Variants in SLC6A3 observed in about 807,000 individuals in gnomAD.
SLC6A3 encodes the protein solute carrier family 6 member 3, also known as sodium-dependent dopamine transporter.
Under a neutral mutation model 70.4 loss-of-function variants are expected in SLC6A3, and 19 were observed. The observed-to-expected ratio is 0.27, with a 90% CI of 0.19 to 0.40. The LOEUF (loss-of-function observed/expected upper bound fraction) is 0.40, where lower values mean the gene tolerates loss of function less well. Among genes scored for constraint, SLC6A3 ranks in the 10% least tolerant of loss-of-function variants. SLC6A3 has a pLI of 1.00. For synonymous variants in SLC6A3, 368 were observed against 356.6 expected, an observed-to-expected ratio of 1.03 and a Z score of -0.36; for missense variants, 613 against 838.5, an observed-to-expected ratio of 0.73 and a Z score of 3.32.
Position 1,413,897 on chromosome 5 carries a change from C to T in SLC6A3, c.1156+794G>A, listed in dbSNP as rs533182375. Among the ~76,000 whole-genome samples the T allele has an allele frequency of 1.2e-4, 18 of 152,322 alleles. No homozygotes were observed. Among genetic ancestry groups the T allele is most frequent in the South Asian group, 2.1e-4 (1 of 4,820 alleles). On this transcript the variant is annotated intron_variant, in intron 8 of 14. Transcript: ENST00000270349. This position sits in a 1 kb window ranked among gnomAD's most constrained non-coding sequence, Gnocchi z 7.1. Reference sequence around the variant, plus strand: ...CACTCTCAGCCCCTGCATCTGTGCCCGTCCTGCCGGCTCCATCCTGCCTGG... The same window carrying T: ...CACTCTCAGCCCCTGCATCTGTGCCTGTCCTGCCGGCTCCATCCTGCCTGG...
chr5:1,411,450 G>T lies in SLC6A3; in HGVS notation c.1157-95C>A. On this transcript the variant is annotated intron_variant, in intron 8 of 14. Coordinates refer to ENST00000270349, the MANE Select transcript of SLC6A3 (RefSeq NM_001044.5). This position sits in a 1 kb window ranked among gnomAD's most constrained non-coding sequence, Gnocchi z 6.5. ...GCCCCGAGAAGCATGGCCTGCCACA[G>T]GCCTGTAGAGACTAGGGCTGGTGCG... 1 of 899,722 alleles carries T rather than the reference G, an allele frequency of 1.1e-6. No homozygotes were observed. The highest frequency in any genetic ancestry group is 1.8e-6 in the Non-Finnish European group (1 of 557,786). The allele number at this position is 899,722 out of a possible 1,614,324, so 55.7% of individuals were successfully genotyped here.
chr5:1,441,699 C>T (rs1307897956), intron 2 of SLC6A3, among the ~76,000 whole-genome samples: 1 of 152,086 alleles, frequency 6.6e-6, no homozygotes, highest in East Asian at 1.9e-4. Flanking sequence ...TCCTGGATCC[C>T]CTTGTCATTG....
rs535570834 is a variant in SLC6A3 at position 1,404,373 on chromosome 5, G to A, written c.1600-1284C>T. On this transcript the variant is annotated intron_variant, in intron 12 of 14. Coordinates refer to ENST00000270349, the MANE Select transcript of SLC6A3 (RefSeq NM_001044.5). This position sits in a 1 kb window ranked among gnomAD's most constrained non-coding sequence, Gnocchi z 5.2. Reference sequence around the variant, plus strand: ...CTGAGCATGCTTTAAAGAGCCACGCGTGCATCCCTGGACATGTCGGGCTTG... The same window carrying A: ...CTGAGCATGCTTTAAAGAGCCACGCATGCATCCCTGGACATGTCGGGCTTG... Among the ~76,000 whole-genome samples, 5 of 152,324 alleles carry A rather than the reference G, an allele frequency of 3.3e-5. No homozygotes were observed. The highest frequency in any genetic ancestry group is 3.9e-4 in the East Asian group (2 of 5,192).
chr5:1,430,520 C>G (rs1257480020), intron 4 of SLC6A3, among the ~76,000 whole-genome samples: 1 of 152,218 alleles, frequency 6.6e-6, no homozygotes, highest in Non-Finnish European at 1.5e-5. Flanking sequence ...ACCATGAGAA[C>G]TGGTCCCTTT....
rs10036478 is a variant in SLC6A3, at chr5:1,437,783, C to T, written c.418+3576G>A. Among the ~76,000 whole-genome samples the T allele has an allele frequency of 0.48, 72,506 of 152,164 alleles. 19,979 individuals are homozygous for T. The highest frequency in any genetic ancestry group is 0.64 in the Non-Finnish European group (43,282 of 67,970). ...GGCTTCCTGGAGAGCTGGCTTCATT[C>T]CCCCATGGAATTGCCACCTGCTCAG... is the stretch of plus-strand genomic sequence containing the variant. On this transcript the variant is annotated intron_variant, in intron 3 of 14. Coordinates refer to ENST00000270349, the MANE Select transcript of SLC6A3 (RefSeq NM_001044.5). The surrounding 1 kb of genome is among the most constrained non-coding windows in gnomAD (Gnocchi z 4.8).
At chr5:1,433,291 G>C (rs1756750890) in intron 3 of SLC6A3, among the ~76,000 whole-genome samples, 1 of 151,818 alleles carries the variant, frequency 6.6e-6, no homozygotes, top group Non-Finnish European at 1.5e-5. Context: ...AGGTCGTCTA[G>C]GGTTACCCAG....
At chr5:1,440,575 A>C (rs1733622733) in intron 3 of SLC6A3, among the ~76,000 whole-genome samples, 1 of 152,242 alleles carries the variant, frequency 6.6e-6, no homozygotes, top group African/African-American at 2.4e-5. Flanking sequence ...CGCAAACCTC[A>C]GAATGTGACT....
chr5:1,411,227 G>A lies in SLC6A3; in HGVS notation c.1269+16C>T, dbSNP rs750007484. On this transcript the variant is annotated intron_variant, in intron 9 of 14. Coordinates refer to ENST00000270349, the MANE Select transcript of SLC6A3 (RefSeq NM_001044.5). The surrounding 1 kb of genome is among the most constrained non-coding windows in gnomAD (Gnocchi z 6.5). The stretch of plus-strand genomic sequence containing the variant: ...CCAACTGCCGAGGACAGGGCCGGGC[G>A]GTGCGGGTTACTCACGGCGCTGTCG... The A allele has an allele frequency of 4.6e-5, 70 of 1,515,594 alleles. No individual in the cohort carries two copies. The highest frequency in any genetic ancestry group is 7.8e-5 in the Admixed American group (4 of 50,960). 93.9% of individuals were successfully genotyped at this position (1,515,594 alleles called of 1,614,324 possible). A position where few individuals can be genotyped will look rare whatever the true frequency, so the allele number is the denominator to read the frequency against.
Position 1,420,590 on chromosome 5 carries a change from G to A in SLC6A3, c.906C>T (p.Phe302=). Residue 302 remains phenylalanine (F), a synonymous_variant, in exon 6 of 15, where the codon TTC becomes TTT. Transcript: ENST00000270349. ...DGIRAYLSVD[F]YRLCEASVWI... ...TCACAGACGCCTCGCAGAGCCGGTA[G>A]AAGTCAACGCTCAGGTATGCTCTGA... 6 of 1,613,530 alleles carry A rather than the reference G, an allele frequency of 3.7e-6. No individual in the cohort carries two copies. Among genetic ancestry groups the A allele is most frequent in the Non-Finnish European group, 5.1e-6 (6 of 1,180,032 alleles).
In SLC6A3 at chr5:1,394,788, C is replaced by A. The variant is rs777703331; in HGVS notation, c.1840-30G>T. 17 of 1,613,884 alleles carry A rather than the reference C, an allele frequency of 1.1e-5. No homozygotes were observed. Among genetic ancestry groups the A allele is most frequent in the Admixed American group, 1.7e-5 (1 of 60,016 alleles). On this transcript the variant is annotated intron_variant, in intron 14 of 14. Transcript: ENST00000270349. The surrounding 1 kb of genome is among the most constrained non-coding windows in gnomAD (Gnocchi z 4.7). Reference sequence around the variant, plus strand: ...AAAGAAAACAGGTTTAGTCAGAAACCCTGGGGCGATGCCCCATTTAAGAGC... The same window carrying A: ...AAAGAAAACAGGTTTAGTCAGAAACACTGGGGCGATGCCCCATTTAAGAGC...
At chr5:1,395,256 G>A (rs754173673) in intron 14 of SLC6A3, among the ~76,000 whole-genome samples, 31 of 152,224 alleles carry the variant, frequency 2.0e-4, no homozygotes, top group Non-Finnish European at 3.7e-4. Context: ...CAAGTGCAGC[G>A]TGTACTGACT....
At chr5:1,410,856 ATGTGTGCG>A (rs957431741) in intron 9 of SLC6A3, among the ~76,000 whole-genome samples, 2 of 149,104 alleles carry the variant, frequency 1.3e-5, no homozygotes, top group South Asian at 2.1e-4. Context: ...GTGTTCATGT[ATGTGTGCG>A]TGTGTGCATG....
intron 9 of SLC6A3, among the ~76,000 whole-genome samples, chr5:1,410,294 G>A (rs545475680): frequency 6.6e-6 from 1 of 152,244 alleles, no homozygotes; most frequent in East Asian, 1.9e-4. Context: ...CCTCCTGTGG[G>A]ACACCGTCCA....
Position 1,401,788 on chromosome 5 carries a change from G to A in SLC6A3, c.1768-802C>T, listed in dbSNP as rs1755858328. ...GGGCCCCGCCTCCCACGTCCATCCA[G>A]CCTCCCAGAGGAGCTCTCTCCCTGC... is the stretch of plus-strand genomic sequence containing the variant. On this transcript the variant is annotated intron_variant, in intron 13 of 14. Coordinates refer to ENST00000270349, the MANE Select transcript of SLC6A3 (RefSeq NM_001044.5). The surrounding 1 kb of genome is among the most constrained non-coding windows in gnomAD (Gnocchi z 6.1). Among the ~76,000 whole-genome samples, 2 of 152,192 alleles carry A rather than the reference G, an allele frequency of 1.3e-5. No homozygotes were observed. Among genetic ancestry groups the A allele is most frequent in the Admixed American group, 1.3e-4 (2 of 15,282 alleles).
In SLC6A3 at chr5:1,402,953, T is replaced by C. The variant is rs373070875; in HGVS notation, c.1736A>G (p.Lys579Arg). 9.5e-5 allele frequency: 154 copies of C among 1,613,822 alleles called. No individual in the cohort carries two copies. Among genetic ancestry groups the C allele is most frequent in the Non-Finnish European group, 1.2e-4 (145 of 1,180,024 alleles). ...AAAGGACCCAGGCAGGCTGCAGAAC[T>C]TGTAGGCCGCATAGATGGGCACCAT... ...MAMVPIYAAY[K>R]FCSLPGSFRE... The change falls in exon 13 of 15, where the codon AAG (lysine) becomes AGG (arginine). Residue 579 changes from lysine to arginine, a missense_variant. By Grantham distance (26) the Lys-to-Arg change is conservative. Transcript: ENST00000270349. This position sits in a 1 kb window ranked among gnomAD's most constrained non-coding sequence, Gnocchi z 8.5.
chr5:1,436,982 T>C lies in SLC6A3; in HGVS notation c.419-4284A>G, dbSNP rs1756851095. On this transcript the variant is annotated intron_variant, in intron 3 of 14. Transcript: ENST00000270349. This position sits in a 1 kb window ranked among gnomAD's most constrained non-coding sequence, Gnocchi z 5.2. ...AAAGACGGGAGAGGGCCGGGCACGG[T>C]GGCTCACTCCTGTAATCCCAGCACT... Among the ~76,000 whole-genome samples the C allele has an allele frequency of 2.0e-5, 3 of 152,140 alleles. No individual in the cohort carries two copies. Among genetic ancestry groups the C allele is most frequent in the Admixed American group, 2.0e-4 (3 of 15,274 alleles).
intron 12 of SLC6A3, 81 bp from the exon 13 acceptor site, chr5:1,403,170 G>T: frequency 6.7e-7 from 1 of 1,488,952 alleles, no homozygotes; most frequent in Non-Finnish European, 9.2e-7. Context: ...GGCACTTCAT[G>T]GCAGAGCGTC....
rs1036249998 is a variant in SLC6A3, at chr5:1,394,507, C to G, written c.*228G>C. The G allele has an allele frequency of 3.1e-6, 2 of 642,240 alleles. No individual in the cohort carries two copies. Among genetic ancestry groups the G allele is most frequent in the Non-Finnish European group, 5.6e-6 (2 of 354,176 alleles). 39.8% of individuals were successfully genotyped at this position (642,240 alleles called of 1,614,324 possible). On this transcript the variant is annotated 3_prime_UTR_variant, in exon 15 of 15. Coordinates refer to ENST00000270349, the MANE Select transcript of SLC6A3 (RefSeq NM_001044.5). This position sits in a 1 kb window ranked among gnomAD's most constrained non-coding sequence, Gnocchi z 4.7. ...CAACAACGGGGTGGACCTCGCTGCACAGATCTACGTCGTTATTACAGCAAC... is the reference window on the plus strand; with the variant it reads ...CAACAACGGGGTGGACCTCGCTGCAGAGATCTACGTCGTTATTACAGCAAC...
At chr5:1,419,385 C>T (rs986117578) in intron 6 of SLC6A3, among the ~76,000 whole-genome samples, 1 of 151,108 alleles carries the variant, frequency 6.6e-6, no homozygotes, top group Non-Finnish European at 1.5e-5. Flanking sequence ...TTCACTGTCT[C>T]CACCTAATTT....
Sources: gnomAD v4.1 joint callset for allele counts (sites outside exome capture counted in the v4.1 genomes callset) on GRCh38, gnomAD v4.1.1 for gene constraint, Gnocchi (gnomAD v3.1) non-coding constraint, MANE v1.5 for transcripts, NCBI Gene and HGNC (gene_info 2026-07-23, HGNC 2026-07-21) for gene names.